PARD3: variants seen among roughly 807,000 people sequenced by gnomAD.
PARD3 encodes par-3 family cell polarity regulator.
In PARD3, 75 loss-of-function variants were observed where a neutral mutation model predicts 155.4. The observed-to-expected ratio is 0.48, with a 90% confidence interval of 0.40 to 0.58. The LOEUF is 0.58. Ranked by LOEUF, PARD3 falls within the 20% of genes least tolerant of loss-of-function variation. The pLI, the probability that PARD3 is intolerant of heterozygous loss-of-function variation, is 0.00. For missense variants in PARD3, 1,642 were observed against 1,721.7 expected, an observed-to-expected ratio of 0.95 and a Z score of 0.82; for synonymous variants, 576 against 610.5, an observed-to-expected ratio of 0.94 and a Z score of 0.83.
At chr10:34,291,649 G>C (rs530486302) in intron 20 of PARD3, among the ~76,000 whole-genome samples, 8 of 152,304 alleles carry the variant, frequency 5.3e-5, no homozygotes, top group African/African-American at 1.9e-4. Flanking sequence ...TCATACCCAA[G>C]ACACTTTTTA....
intron 3 of PARD3, among the ~76,000 whole-genome samples, chr10:34,496,770 G>A (rs1461467979): frequency 6.6e-6 from 1 of 152,074 alleles, no homozygotes; most frequent in Admixed American, 6.6e-5. Flanking sequence ...TGTGGATTTC[G>A]TGTGGATTCT....
chr10:34,524,994 T>C (rs187534197), intron 2 of PARD3, among the ~76,000 whole-genome samples: 9 of 152,330 alleles, frequency 5.9e-5, no homozygotes, highest in Admixed American at 1.3e-4. Flanking sequence ...TTCTGATGAC[T>C]GAATTTACTT....
intron 1 of PARD3, among the ~76,000 whole-genome samples, chr10:34,726,375 C>T (rs1416383901): frequency 1.3e-5 from 2 of 152,328 alleles, no homozygotes; most frequent in South Asian, 2.1e-4. Flanking sequence ...CACCTGAGGT[C>T]AGGAATTTGA....
intron 5 of PARD3, among the ~76,000 whole-genome samples, chr10:34,420,418 T>C (rs1043611569): frequency 3.3e-5 from 5 of 152,178 alleles, no homozygotes; most frequent in African/African-American, 9.6e-5. Context: ...AGTTTATACA[T>C]AGGAGACAGA....
At chr10:34,323,953 C>T (rs190000158) in intron 19 of PARD3, among the ~76,000 whole-genome samples, 3 of 152,290 alleles carry the variant, frequency 2.0e-5, no homozygotes, top group Non-Finnish European at 2.9e-5. Flanking sequence ...CAATTCTGAC[C>T]GAAAGGGCTG....
chr10:34,703,492 G>T (rs1472126336), intron 1 of PARD3, among the ~76,000 whole-genome samples: 1 of 151,744 alleles, frequency 6.6e-6, no homozygotes, highest in Non-Finnish European at 1.5e-5. Context: ...GATAAAAAAG[G>T]CTAATAATAA....
intron 22 of PARD3, among the ~76,000 whole-genome samples, chr10:34,187,496 A>G (rs967072734): frequency 1.3e-5 from 2 of 152,218 alleles, no homozygotes; most frequent in Non-Finnish European, 2.9e-5. Context: ...CAGGGGGGAA[A>G]AATCAAACCA....
chr10:34,537,583 C>A (rs79553866), intron 2 of PARD3, among the ~76,000 whole-genome samples: 4,266 of 152,230 alleles, frequency 0.028, 90 homozygotes, highest in Middle Eastern at 0.054. Flanking sequence ...TCTGCAACCA[C>A]AGAAATTACT....
chr10:34,453,078 A>T (rs1201647929), intron 4 of PARD3, among the ~76,000 whole-genome samples: 2 of 152,216 alleles, frequency 1.3e-5, no homozygotes, highest in Non-Finnish European at 2.9e-5. Flanking sequence ...CCTAAAACAT[A>T]TGTTGGATCA....
chr10:34,670,644 C>A (rs540165486), intron 2 of PARD3, among the ~76,000 whole-genome samples: 2 of 152,224 alleles, frequency 1.3e-5, no homozygotes, highest in African/African-American at 4.8e-5. Flanking sequence ...TGAGTGTGTG[C>A]ATGTTTTAGA....
intron 22 of PARD3, among the ~76,000 whole-genome samples, chr10:34,217,336 ACTTGTC>A (rs1308106983): frequency 6.6e-6 from 1 of 152,102 alleles, no homozygotes; most frequent in Non-Finnish European, 1.5e-5. Context: ...CTTTGGTGCA[ACTTGTC>A]CTTGAATTAT....
chr10:34,266,941 G>A (rs772159739), intron 22 of PARD3, among the ~76,000 whole-genome samples: 19 of 152,202 alleles, frequency 1.2e-4, no homozygotes, highest in Middle Eastern at 3.4e-3. Flanking sequence ...ACCACTTCTG[G>A]GCCTCAGGAG....
In PARD3 at chr10:34,417,586, AAAT is replaced by A. The variant is rs562161816; in HGVS notation, c.715-15672_715-15670del. 2.0e-5 allele frequency among the ~76,000 whole-genome samples: 3 copies of A among 152,332 alleles called. No homozygotes were observed. In the East Asian group the frequency reaches 5.8e-4, roughly 29 times the overall value. Reference sequence around the variant, plus strand: ...GGATTAATTATTTTCAAAATAAAGAAAATAATTTCGATTGTTTGGGTTTATTTT... The same window carrying A: ...GGATTAATTATTTTCAAAATAAAGAAAATTTCGATTGTTTGGGTTTATTTT... On this transcript the variant is annotated intron_variant, in intron 5 of 24. Transcript: ENST00000374788.
At position 34,406,308 on chromosome 10, in the gene PARD3, C is replaced by T. The variant is rs1450906433; in HGVS notation, c.715-4391G>A. 4.6e-5 allele frequency among the ~76,000 whole-genome samples: 7 copies of T among 152,164 alleles called. No individual in the cohort carries two copies. In the East Asian group the frequency reaches 1.3e-3, roughly 29 times the overall value. On this transcript the variant is annotated intron_variant, in intron 5 of 24. Transcript: ENST00000374788. ...GAGACTTGCAAAGAGATCTTTATCTCCTTCACATGAACACTTTCTTATATA... is the reference window on the plus strand; with the variant it reads ...GAGACTTGCAAAGAGATCTTTATCTTCTTCACATGAACACTTTCTTATATA...
chr10:34,170,843 A>C (rs2133114864), intron 22 of PARD3, among the ~76,000 whole-genome samples: 1 of 152,354 alleles, frequency 6.6e-6, no homozygotes, highest in South Asian at 2.1e-4. Context: ...AAAATATTTA[A>C]GTAAGACCTT....
intron 22 of PARD3, among the ~76,000 whole-genome samples, chr10:34,211,384 G>A (rs1009972457): frequency 2.0e-5 from 3 of 152,174 alleles, no homozygotes; most frequent in Non-Finnish European, 4.4e-5. Flanking sequence ...GGAAGGGAGT[G>A]AGGATACACT....
chr10:34,391,006 T>C (rs1333755035), intron 7 of PARD3, among the ~76,000 whole-genome samples: 1 of 152,172 alleles, frequency 6.6e-6, no homozygotes, highest in African/African-American at 2.4e-5. Flanking sequence ...GACTCCCCCA[T>C]TGAGTGGCAG....
At chr10:34,647,698 T>C (rs1257448540) in intron 2 of PARD3, among the ~76,000 whole-genome samples, 1 of 152,232 alleles carries the variant, frequency 6.6e-6, no homozygotes, top group Non-Finnish European at 1.5e-5. Context: ...CTAATTATCT[T>C]TTAGCTAAAA....
chr10:34,298,451 G>A (rs1009913075), intron 20 of PARD3, among the ~76,000 whole-genome samples: 3 of 152,278 alleles, frequency 2.0e-5, no homozygotes, highest in East Asian at 1.9e-4. Context: ...ACTACAACAC[G>A]GATGAGCCTT....
Sources: allele counts gnomAD v4.1 joint callset (sites outside exome capture counted in the v4.1 genomes callset), GRCh38; gene constraint gnomAD v4.1.1; transcripts MANE v1.5; gene names NCBI Gene and HGNC (gene_info 2026-07-23, HGNC 2026-07-21).